NAA35: variants seen among roughly 807,000 people sequenced by gnomAD.
The protein encoded by NAA35 is MAK10 homolog, amino-acid N-acetyltransferase subunit.
NAA35 carries 18 observed loss-of-function variants against 101.7 expected under a neutral mutation model. That is an observed-to-expected ratio of 0.18 (90% confidence interval 0.12 to 0.26). The LOEUF is 0.26. Ranked by LOEUF, NAA35 falls within the 10% of genes least tolerant of loss-of-function variation. The pLI is 1.00. For synonymous variants in NAA35, 267 were observed against 273.1 expected, an observed-to-expected ratio of 0.98 and a Z score of 0.22; for missense variants, 601 against 886.8, an observed-to-expected ratio of 0.68 and a Z score of 4.09.
intron 15 of NAA35, among the ~76,000 whole-genome samples, chr9:86,010,455 T>C (rs1025445208): frequency 6.6e-6 from 1 of 152,024 alleles, no homozygotes; most frequent in Non-Finnish European, 1.5e-5. Context: ...CACTGCAGCC[T>C]GTGGGGACCA....
chr9:85,996,332 A>G, intron 11 of NAA35, 67 bp from the exon 12 acceptor site: 1 of 1,045,658 alleles, frequency 9.6e-7, no homozygotes, highest in Admixed American at 3.0e-5. Flanking sequence ...TTTTATATTT[A>G]ATAACATTTG....
intron 2 of NAA35, among the ~76,000 whole-genome samples, chr9:85,949,683 T>A (rs1380974140): frequency 2.6e-5 from 4 of 152,204 alleles, no homozygotes; most frequent in Admixed American, 6.5e-5. Flanking sequence ...TATTTTTAAC[T>A]TTGAATCATT....
intron 12 of NAA35, among the ~76,000 whole-genome samples, chr9:86,000,780 C>T (rs935238456): frequency 2.6e-5 from 4 of 151,872 alleles, no homozygotes; most frequent in African/African-American, 9.7e-5. Context: ...TTATTTGGGT[C>T]TTCTCCCATT....
chr9:86,006,487 A>T (rs1279876864), intron 13 of NAA35, among the ~76,000 whole-genome samples: 3 of 152,224 alleles, frequency 2.0e-5, no homozygotes, highest in African/African-American at 7.2e-5. Flanking sequence ...ATGAAGCATG[A>T]TACACTTAAC....
chr9:85,974,946 G>C, intron 6 of NAA35, 21 bp from the exon 7 acceptor site: 1 of 1,589,392 alleles, frequency 6.3e-7, no homozygotes, highest in African/African-American at 1.3e-5. Context: ...TCATGAGCCT[G>C]ATTATTTCCT....
chr9:85,943,899 T>TA (rs1005346114), intron 2 of NAA35, among the ~76,000 whole-genome samples: 2 of 152,224 alleles, frequency 1.3e-5, no homozygotes, highest in Non-Finnish European at 2.9e-5. Context: ...GTGAGGTTTT[T>TA]ATGTTAGGGG....
chr9:85,964,377 T>G (rs1009161928), intron 6 of NAA35, among the ~76,000 whole-genome samples: 1 of 152,214 alleles, frequency 6.6e-6, no homozygotes, highest in Non-Finnish European at 1.5e-5. Context: ...TGTGACACTT[T>G]AGTGTGTTTC....
intron 17 of NAA35, chr9:86,014,433 G>A: frequency 5.1e-6 from 4 of 784,404 alleles, no homozygotes; most frequent in Non-Finnish European, 6.2e-6. Flanking sequence ...GTTTGGAAAA[G>A]AGGATGTTTG....
At chr9:85,954,214 A>G (rs532008466) in intron 2 of NAA35, among the ~76,000 whole-genome samples, 126 of 151,958 alleles carry the variant, frequency 8.3e-4, no homozygotes, top group Admixed American at 7.7e-3. Context: ...CCCAGTAGCT[A>G]GGACTACAGG....
rs1389754686 is a variant in NAA35, at chr9:86,013,892, A to T, written c.1563A>T (p.Ile521=). ...ACAGTATGCACGAGTACTATTACAT[A>T]TATTGGTAAGAGCACAGTTTGAGTT... ...ELYSMHEYYY[I]YWYLSEFLYA... Residue 521 remains isoleucine, a synonymous_variant, in exon 17 of 23, where the codon ATA becomes ATT. Transcript: ENST00000361671. 1.9e-6 allele frequency: 3 copies of T among 1,592,596 alleles called. No individual in the cohort carries two copies. The highest frequency in any genetic ancestry group is 2.6e-6 in the Non-Finnish European group (3 of 1,166,354).
rs995458836 is a variant in NAA35, at chr9:85,986,375, T to A, written c.877+7994T>A. The stretch of plus-strand genomic sequence containing the variant: ...AATTATGATCTAACAGTGTTGTAGG[T>A]GAGGGGACAGAAGTGTGTGCAGGCA... On this transcript the variant is annotated intron_variant, in intron 11 of 22. Transcript: ENST00000361671. 1.3e-5 allele frequency: 6 copies of A among 468,340 alleles called. No individual in the cohort carries two copies. In the East Asian group the frequency reaches 3.5e-4, roughly 27 times the overall value. The allele number at this position is 468,340 out of a possible 1,614,324, so 29.0% of individuals were successfully genotyped here.
intron 2 of NAA35, among the ~76,000 whole-genome samples, chr9:85,952,711 A>G (rs561426364): frequency 6.6e-6 from 1 of 152,334 alleles, no homozygotes; most frequent in African/African-American, 2.4e-5. Flanking sequence ...AATAAGATTA[A>G]TCAGGGCTGG....
chr9:85,956,398 G>T lies in NAA35; in HGVS notation c.158+5G>T. The T allele has an allele frequency of 1.4e-6, 2 of 1,389,866 alleles. No individual in the cohort carries two copies. The allele number at this position is 1,389,866 out of a possible 1,614,324, so 86.1% of individuals were successfully genotyped here. On this transcript the variant is annotated splice_donor_5th_base_variant and intron_variant, in intron 3 of 22. Coordinates refer to ENST00000361671, the MANE Select transcript of NAA35 (RefSeq NM_024635.4). The stretch of plus-strand genomic sequence containing the variant: ...AGAACTACTTCATGATAAGCTGTAA[G>T]TATTTATCCTTTGAAAATAGTGTAG...
chr9:85,959,896 A>G (rs761289941), intron 5 of NAA35, 29 bp downstream of exon 5: 1 of 1,517,384 alleles, frequency 6.6e-7, no homozygotes. Flanking sequence ...CTATTGGTTA[A>G]TTTTAAAACT....
At chr9:86,009,618 C>G (rs995155834) in intron 14 of NAA35, among the ~76,000 whole-genome samples, 3 of 152,154 alleles carry the variant, frequency 2.0e-5, no homozygotes, top group African/African-American at 7.2e-5. Context: ...CTAATTTGAT[C>G]TTACTGGATC....
In NAA35 at chr9:86,016,537, A is replaced by C; in HGVS notation, c.1569-2A>C. 6.2e-7 allele frequency: 1 copy of C among 1,612,358 alleles called. No homozygotes were observed. Among genetic ancestry groups the C allele is most frequent in the Non-Finnish European group, 8.5e-7 (1 of 1,179,332 alleles). ...ATTAACTAACATTTTGTATCCTTTAAGGTATCTCTCTGAATTCCTTTACGC... is the reference window on the plus strand; with the variant it reads ...ATTAACTAACATTTTGTATCCTTTACGGTATCTCTCTGAATTCCTTTACGC... On this transcript the variant is annotated splice_acceptor_variant, in intron 17 of 22. Transcript: ENST00000361671. LOFTEE classifies it high-confidence loss of function.
chr9:85,993,725 G>A (rs1831031078), intron 11 of NAA35, among the ~76,000 whole-genome samples: 1 of 152,008 alleles, frequency 6.6e-6, no homozygotes, highest in South Asian at 2.1e-4. Flanking sequence ...TGTAGTTGTG[G>A]TTATTTCTCC....
chr9:85,949,714 A>G (rs541664442), intron 2 of NAA35, among the ~76,000 whole-genome samples: 10 of 151,872 alleles, frequency 6.6e-5, no homozygotes, highest in South Asian at 2.1e-4. Flanking sequence ...CTTGAGTCCA[A>G]TTTTCCTCAT....
rs1306157812 is a variant in NAA35 at position 86,022,152 on chromosome 9, A to G, written c.*192A>G. The G allele has an allele frequency of 2.0e-6, 1 of 490,416 alleles. No individual in the cohort carries two copies. Among genetic ancestry groups the G allele is most frequent in the Non-Finnish European group, 3.6e-6 (1 of 279,840 alleles). 30.4% of individuals were successfully genotyped at this position (490,416 alleles called of 1,614,324 possible). The stretch of plus-strand genomic sequence containing the variant: ...AACTGCTGTTTTAAAGTGGTTTATT[A>G]TGTTCCATGGAAGAAACTGGTCTTA... On this transcript the variant is annotated 3_prime_UTR_variant, in exon 23 of 23. Coordinates refer to ENST00000361671, the MANE Select transcript of NAA35 (RefSeq NM_024635.4).
Sources: allele counts gnomAD v4.1 joint callset (sites outside exome capture counted in the v4.1 genomes callset), GRCh38; gene constraint gnomAD v4.1.1; transcripts MANE v1.5; gene names NCBI Gene and HGNC (gene_info 2026-07-23, HGNC 2026-07-21).